Variants in CELF2 observed in about 807,000 individuals in gnomAD.
CELF2 encodes CUGBP Elav-like family member 2, also known as CUG triplet repeat RNA-binding protein 2.
Under a neutral mutation model 62.6 loss-of-function variants are expected in CELF2, and 8 were observed. That is an observed-to-expected ratio of 0.13 (90% CI 0.07 to 0.23). The LOEUF (loss-of-function observed/expected upper bound fraction) is 0.23. CELF2 is among the 10% of genes least tolerant of loss of function. CELF2 has a pLI of 1.00. For missense variants in CELF2, 333 were observed against 671.0 expected (o/e 0.50, Z 5.56); for synonymous variants, 258 against 250.0 (o/e 1.03, Z -0.30).
Position 11,098,013 on chromosome 10 carries a change from G to A in CELF2, c.75-67473G>A, listed in dbSNP as rs2050381800. 1 of 152,314 alleles carries A rather than the reference G, an allele frequency of 6.6e-6. No homozygotes were observed. The highest frequency in any genetic ancestry group is 1.5e-5 in the Non-Finnish European group (1 of 68,120). The allele number at this position is 152,314 out of a possible 1,614,324, so 9.4% of individuals were successfully genotyped here. ...CCAGTCAAAGCCACACTAACAGTGA[G>A]CACTCACCACAGGCTGTGAGGCCTC... is the stretch of plus-strand genomic sequence containing the variant. On this transcript the variant is annotated intron_variant, in intron 1 of 12. Transcript: ENST00000633077. This position sits in a 1 kb window ranked among gnomAD's most constrained non-coding sequence, Gnocchi z 4.0.
At chr10:10,988,909 G>A (rs994967259) in intron 2 of CELF2, among the ~76,000 whole-genome samples, 2 of 152,038 alleles carry the variant, frequency 1.3e-5, no homozygotes, top group East Asian at 3.9e-4. Context: ...ACTAAAGATC[G>A]AAATTTTGTC....
At chr10:11,209,261 C>G (rs1439198147) in intron 2 of CELF2, among the ~76,000 whole-genome samples, 12 of 152,092 alleles carry the variant, frequency 7.9e-5, no homozygotes, top group Non-Finnish European at 1.5e-4. Flanking sequence ...AATCGGTGGC[C>G]TCATTTGTTC....
chr10:10,901,930 G>A (rs2062966351), intron 1 of CELF2, among the ~76,000 whole-genome samples: 1 of 152,144 alleles, frequency 6.6e-6, no homozygotes, highest in South Asian at 2.1e-4. Context: ...ATTTGAATAA[G>A]CATTTCACCA....
chr10:10,975,952 G>T (rs887301178), intron 2 of CELF2, among the ~76,000 whole-genome samples: 3 of 152,226 alleles, frequency 2.0e-5, no homozygotes, highest in African/African-American at 7.2e-5. Context: ...TAAGGGGTGG[G>T]TCAATGGAAA....
intron 9 of CELF2, among the ~76,000 whole-genome samples, chr10:11,289,432 C>T (rs1162753885): frequency 1.3e-5 from 2 of 152,186 alleles, no homozygotes; most frequent in Non-Finnish European, 2.9e-5. Context: ...ACAGCCCACT[C>T]CACGCTGGCT....
the CELF2 span, among the ~76,000 whole-genome samples, chr10:10,589,010 GAC>G: frequency 6.6e-6 from 1 of 152,176 alleles, no homozygotes; most frequent in Non-Finnish European, 1.5e-5. Flanking sequence ...ACATACCTGT[GAC>G]ACAGTCTCAG....
rs568005703 is a variant in CELF2, at chr10:11,269,426, C to T, written c.619-1240C>T. Among the ~76,000 whole-genome samples the T allele has an allele frequency of 2.0e-4, 31 of 152,086 alleles. No homozygotes were observed. Among genetic ancestry groups the T allele is most frequent in the South Asian group, 1.7e-3 (8 of 4,820 alleles). ...ACCCAAGGTGATAAGGAAAAAAATGCGTTTGTTTTCCAGAAAAGAGAAACA... is the reference window on the plus strand; with the variant it reads ...ACCCAAGGTGATAAGGAAAAAAATGTGTTTGTTTTCCAGAAAAGAGAAACA... On this transcript the variant is annotated intron_variant, in intron 6 of 12. Coordinates refer to ENST00000633077, the MANE Select transcript of CELF2 (RefSeq NM_001326342.2). This position sits in a 1 kb window ranked among gnomAD's most constrained non-coding sequence, Gnocchi z 4.4.
the CELF2 span, among the ~76,000 whole-genome samples, chr10:10,706,669 A>G: frequency 2.0e-5 from 3 of 152,230 alleles, no homozygotes. Context: ...AGATATGAGC[A>G]TCATATGGTA....
chr10:11,257,907 G>C, intron 5 of CELF2, 35 bp downstream of exon 5: 1 of 1,610,388 alleles, frequency 6.2e-7, no homozygotes, highest in South Asian at 1.1e-5. Context: ...CTCCCCTTCA[G>C]TGCTAATTGG....
chr10:10,619,376 C>T, the CELF2 span, among the ~76,000 whole-genome samples: 1 of 152,158 alleles, frequency 6.6e-6, no homozygotes, highest in African/African-American at 2.4e-5. Context: ...CAATTAGAGG[C>T]TATGGAAAAA....
chr10:11,050,924 C>T (rs539997384), intron 1 of CELF2, among the ~76,000 whole-genome samples: 5 of 152,310 alleles, frequency 3.3e-5, no homozygotes, highest in African/African-American at 1.2e-4. Context: ...TCCCTGCTTT[C>T]CTCCTGAATC....
At chr10:10,855,245 C>T (rs572524772) in intron 1 of CELF2, among the ~76,000 whole-genome samples, 24 of 152,296 alleles carry the variant, frequency 1.6e-4, no homozygotes, top group African/African-American at 5.8e-4. Context: ...GCCATCACTC[C>T]CTCCAGTCTT....
At chr10:10,924,817 G>A (rs936489873) in intron 2 of CELF2, among the ~76,000 whole-genome samples, 1 of 138,066 alleles carries the variant, frequency 7.2e-6, no homozygotes, top group African/African-American at 2.7e-5. Flanking sequence ...GAACACTGGC[G>A]TATACCATAG....
intron 1 of CELF2, among the ~76,000 whole-genome samples, chr10:11,160,137 A>C (rs2065371866): frequency 6.6e-6 from 1 of 152,246 alleles, no homozygotes; most frequent in Non-Finnish European, 1.5e-5. Context: ...TATTATCTAA[A>C]TTAGCTTTTC....
chr10:11,333,352 C>A lies in CELF2; in HGVS notation c.*4299C>A, dbSNP rs901161368. On this transcript the variant is annotated 3_prime_UTR_variant, in exon 13 of 13. Coordinates refer to ENST00000633077, the MANE Select transcript of CELF2 (RefSeq NM_001326342.2). The stretch of plus-strand genomic sequence containing the variant: ...AGGGCCTGTGCCAGAAGAAAACACA[C>A]ACAGGGAAACCGCTTTTTTTAATCA... The A allele has an allele frequency of 6.6e-6, 1 of 152,590 alleles. No homozygotes were observed. Among genetic ancestry groups the A allele is most frequent in the Non-Finnish European group, 1.5e-5 (1 of 68,038 alleles). The allele number at this position is 152,590 out of a possible 1,614,324, so 9.5% of individuals were successfully genotyped here.
intron 1 of CELF2, among the ~76,000 whole-genome samples, chr10:11,103,924 C>G (rs1262602900): frequency 6.6e-6 from 1 of 152,124 alleles, no homozygotes; most frequent in East Asian, 1.9e-4. Flanking sequence ...GTAGAATTTA[C>G]TGACTCCTAA....
chr10:10,595,292 A>T, the CELF2 span, among the ~76,000 whole-genome samples: 3 of 149,474 alleles, frequency 2.0e-5, no homozygotes, highest in Non-Finnish European at 3.0e-5. Context: ...ATACAAAGGG[A>T]GTAGGAAGGA....
chr10:10,957,452 G>C lies in CELF2; in HGVS notation c.89+37453G>C, dbSNP rs532909737. Among the ~76,000 whole-genome samples the C allele has an allele frequency of 6.6e-6, 1 of 152,220 alleles. No homozygotes were observed. Among genetic ancestry groups the C allele is most frequent in the East Asian group, 1.9e-4 (1 of 5,186 alleles). ...TCACCTGTGAGGCAATGTGAGCTAA[G>C]GCCAGAAGAAACCCTACTGGAATTA... On this transcript the variant is annotated intron_variant, in intron 2 of 13. Coordinates refer to the CELF2 transcript ENST00000636488. This position sits in a 1 kb window ranked among gnomAD's most constrained non-coding sequence, Gnocchi z 4.1.
At chr10:11,029,649 A>G (rs1293213207) in intron 1 of CELF2, among the ~76,000 whole-genome samples, 2 of 152,220 alleles carry the variant, frequency 1.3e-5, no homozygotes, top group Non-Finnish European at 2.9e-5. Flanking sequence ...GGCCTTTGGC[A>G]ATATCAAAGA....
Sources: allele counts gnomAD v4.1 joint callset (sites outside exome capture counted in the v4.1 genomes callset), GRCh38; gene constraint gnomAD v4.1.1; non-coding constraint Gnocchi (gnomAD v3.1); transcripts MANE v1.5; gene names NCBI Gene and HGNC (gene_info 2026-07-23, HGNC 2026-07-21).